ARF1: variants seen among roughly 807,000 people sequenced by gnomAD.
The protein encoded by ARF1 is ARF GTPase 1.
Under a neutral mutation model 18.0 loss-of-function variants are expected in ARF1, and 1 was observed. That is an observed-to-expected ratio of 0.06 (90% CI 0.02 to 0.26). The LOEUF (loss-of-function observed/expected upper bound fraction) is 0.26, where lower values mean the gene tolerates loss of function less well. Among genes scored for constraint, ARF1 ranks in the 10% least tolerant of loss-of-function variants. The probability of loss-of-function intolerance (pLI) is 1.00; values close to 1 mark genes in which losing one functional copy is unlikely to be tolerated. For synonymous variants in ARF1, 112 were observed against 96.3 expected (o/e 1.16, Z -0.95); for missense variants, 73 against 247.2 (o/e 0.30, Z 4.73).
At chr1:228,092,995 A>G (rs528949880) in intron 1 of ARF1, among the ~76,000 whole-genome samples, 1 of 152,300 alleles carries the variant, frequency 6.6e-6, no homozygotes, top group South Asian at 2.1e-4. Context: ...TGAAGAAAGA[A>G]ACATTCTTCC....
At chr1:228,095,329 T>C (rs952209400) in intron 1 of ARF1, among the ~76,000 whole-genome samples, 1 of 151,862 alleles carries the variant, frequency 6.6e-6, no homozygotes, top group Admixed American at 6.6e-5. Flanking sequence ...GTGGATCTGC[T>C]GGGGCATATA....
At chr1:228,084,212 A>G (rs772198703) in intron 1 of ARF1, among the ~76,000 whole-genome samples, 2 of 152,228 alleles carry the variant, frequency 1.3e-5, no homozygotes, top group Non-Finnish European at 2.9e-5. Context: ...CTGCCTAGGT[A>G]GCCAGAACCA....
chr1:228,096,946 G>T, intron 1 of ARF1, 132 bp from the exon 2 acceptor site: 1 of 798,698 alleles, frequency 1.3e-6, no homozygotes, highest in African/African-American at 1.8e-5. Context: ...ATGGGAGGCA[G>T]GGCTCTTTCC....
rs1157677154 is a variant in ARF1 at position 228,097,864 on chromosome 1, G to A, written c.397G>A (p.Ala133Thr). 3 of 1,613,636 alleles carry A rather than the reference G, an allele frequency of 1.9e-6. No homozygotes were observed. Among genetic ancestry groups the A allele is most frequent in the Non-Finnish European group, 2.5e-6 (3 of 1,179,814 alleles). ...TTCCTTCCCCCAGGACCTCCCCAAC[G>A]CCATGAATGCGGCCGAGATCACAGA... is the stretch of plus-strand genomic sequence containing the variant. ...VFANKQDLPNAMNAAEITDKL... is the reference protein window; with the variant it reads ...VFANKQDLPNTMNAAEITDKL... Residue 133 changes from alanine (A) to threonine (T), a missense_variant, in exon 5 of 5, where the codon GCC becomes ACC. This residue lies in a region of ARF1 where 48 missense variants were observed against 144.7 expected (regional missense o/e 0.33). Coordinates refer to ENST00000272102, the MANE Select transcript of ARF1 (RefSeq NM_001658.4). The surrounding 1 kb of genome is among the most constrained non-coding windows in gnomAD (Gnocchi z 8.1).
At position 228,098,439 on chromosome 1, in the gene ARF1, T is replaced by A. The variant is rs1488464124; in HGVS notation, c.*426T>A. 3 of 154,608 alleles carry A rather than the reference T, an allele frequency of 1.9e-5. No individual in the cohort carries two copies. Among genetic ancestry groups the A allele is most frequent in the Non-Finnish European group, 4.3e-5 (3 of 69,464 alleles). 9.6% of individuals were successfully genotyped at this position (154,608 alleles called of 1,614,324 possible). ...GTGCATTTTTTAAAATAGTTAAGAA[T>A]CCAAGTCGAGAACACTTGAACACAC... On this transcript the variant is annotated 3_prime_UTR_variant, in exon 5 of 5. Transcript: ENST00000272102.
chr1:228,085,836 A>T (rs751312498), intron 1 of ARF1, among the ~76,000 whole-genome samples: 3 of 152,240 alleles, frequency 2.0e-5, no homozygotes, highest in Non-Finnish European at 4.4e-5. Flanking sequence ...CATTTCAGGA[A>T]GTTAGAAGTC....
At chr1:228,087,340 CAGTT>C (rs1160851664) in intron 1 of ARF1, among the ~76,000 whole-genome samples, 15 of 152,196 alleles carry the variant, frequency 9.9e-5, no homozygotes, top group African/African-American at 3.6e-4. Flanking sequence ...GGAACGGAGG[CAGTT>C]AGATGTGCCT....
intron 1 of ARF1, among the ~76,000 whole-genome samples, chr1:228,083,999 C>G (rs2032308146): frequency 6.6e-6 from 1 of 152,226 alleles, no homozygotes; most frequent in Non-Finnish European, 1.5e-5. Flanking sequence ...GTTCTTGTTT[C>G]AGAACTAGTG....
At chr1:228,093,955 C>CAAAA (rs869199671) in intron 1 of ARF1, among the ~76,000 whole-genome samples, 8 of 51,106 alleles carry the variant, frequency 1.6e-4, no homozygotes, top group Non-Finnish European at 2.5e-4. Context: ...GACTCTGTCT[C>CAAAA]AAAAAAAAAA....
In ARF1 at chr1:228,097,277, A is replaced by C. The variant is rs1203104308; in HGVS notation, c.148+15A>C. The C allele has an allele frequency of 6.2e-7, 1 of 1,609,586 alleles. No homozygotes were observed. Among genetic ancestry groups the C allele is most frequent in the Non-Finnish European group, 8.5e-7 (1 of 1,177,236 alleles). ...TCCCACCATAGGTGAGGTGGGGGCC[A>C]GCAGGGAGTGGGCTGGGCTGGGCTG... On this transcript the variant is annotated intron_variant, in intron 2 of 4. Coordinates refer to ENST00000272102, the MANE Select transcript of ARF1 (RefSeq NM_001658.4). This position sits in a 1 kb window ranked among gnomAD's most constrained non-coding sequence, Gnocchi z 8.1.
At chr1:228,091,463 C>T (rs2032574985) in intron 1 of ARF1, among the ~76,000 whole-genome samples, 2 of 152,174 alleles carry the variant, frequency 1.3e-5, no homozygotes, top group Non-Finnish European at 2.9e-5. Context: ...AAACAGCAGA[C>T]TCCCAGTGGA....
rs1342841974 is a variant in ARF1, at chr1:228,098,121, C to T, written c.*108C>T. 16 of 1,356,570 alleles carry T rather than the reference C, an allele frequency of 1.2e-5. No homozygotes were observed. Among genetic ancestry groups the T allele is most frequent in the South Asian group, 2.9e-5 (2 of 69,498 alleles). The allele number at this position is 1,356,570 out of a possible 1,614,324, so 84.0% of individuals were successfully genotyped here. On this transcript the variant is annotated 3_prime_UTR_variant, in exon 5 of 5. Coordinates refer to ENST00000272102, the MANE Select transcript of ARF1 (RefSeq NM_001658.4). ...GAAGCTGCCTCCGTGGTTTGGTCAC[C>T]GTGTGCATCGCACCGTGCTGTAAAT...
intron 1 of ARF1, among the ~76,000 whole-genome samples, chr1:228,084,617 A>C (rs1443481662): frequency 2.0e-5 from 3 of 152,194 alleles, no homozygotes; most frequent in Non-Finnish European, 2.9e-5. Context: ...CAATATGGAG[A>C]GGACATTCAG....
In ARF1 at chr1:228,097,774, T is replaced by C. The variant is rs1490203096; in HGVS notation, c.384+59T>C. 1.3e-6 allele frequency: 2 copies of C among 1,589,530 alleles called. No homozygotes were observed. The highest frequency in any genetic ancestry group is 1.7e-6 in the Non-Finnish European group (2 of 1,166,410). ...AGCCAGTGTGGGTTCCGCCTGGTGG[T>C]AGGGGTTACTGGAGGCTGGTGGGGC... On this transcript the variant is annotated intron_variant, in intron 4 of 4. Coordinates refer to ENST00000272102, the MANE Select transcript of ARF1 (RefSeq NM_001658.4). This position sits in a 1 kb window ranked among gnomAD's most constrained non-coding sequence, Gnocchi z 8.1.
chr1:228,097,103 C>G lies in ARF1; in HGVS notation c.-12C>G, dbSNP rs371761353. Reference sequence around the variant, plus strand: ...GTGTCCCTGGCCAGTGTCCTTCCACCTGTCCACAAGCATGGGGAACATCTT... The same window carrying G: ...GTGTCCCTGGCCAGTGTCCTTCCACGTGTCCACAAGCATGGGGAACATCTT... On this transcript the variant is annotated 5_prime_UTR_variant, in exon 2 of 5. Coordinates refer to ENST00000272102, the MANE Select transcript of ARF1 (RefSeq NM_001658.4). The surrounding 1 kb of genome is among the most constrained non-coding windows in gnomAD (Gnocchi z 8.1). 3 of 1,588,956 alleles carry G rather than the reference C, an allele frequency of 1.9e-6. No homozygotes were observed. The highest frequency in any genetic ancestry group is 1.2e-5 in the South Asian group (1 of 85,756).
chr1:228,098,080 C>A lies in ARF1; in HGVS notation c.*67C>A. On this transcript the variant is annotated 3_prime_UTR_variant, in exon 5 of 5. Coordinates refer to ENST00000272102, the MANE Select transcript of ARF1 (RefSeq NM_001658.4). ...ACTCTCATGTGGCAAACGTGCGGCT[C>A]GTGGTGTGAGTGCCAGAAGCTGCCT... The A allele has an allele frequency of 6.5e-7, 1 of 1,532,746 alleles. No individual in the cohort carries two copies. Among genetic ancestry groups the A allele is most frequent in the South Asian group, 1.3e-5 (1 of 78,344 alleles). 94.9% of individuals were successfully genotyped at this position (1,532,746 alleles called of 1,614,324 possible). A position where few individuals can be genotyped will look rare whatever the true frequency, so the allele number is the denominator to read the frequency against.
Position 228,098,212 on chromosome 1 carries a change from A to G in ARF1, c.*199A>G. ...AAATAGTTTTTGTTTCCAATGAGGC[A>G]GTTTCTGGTACTCCTATGCAATATT... On this transcript the variant is annotated 3_prime_UTR_variant, in exon 5 of 5. Coordinates refer to ENST00000272102, the MANE Select transcript of ARF1 (RefSeq NM_001658.4). 1.7e-6 allele frequency: 1 copy of G among 577,042 alleles called. No individual in the cohort carries two copies. The highest frequency in any genetic ancestry group is 2.9e-6 in the Non-Finnish European group (1 of 348,096). 35.7% of individuals were successfully genotyped at this position (577,042 alleles called of 1,614,324 possible).
intron 1 of ARF1, among the ~76,000 whole-genome samples, chr1:228,085,820 C>T (rs991503598): frequency 2.6e-5 from 4 of 152,224 alleles, no homozygotes; most frequent in African/African-American, 7.2e-5. Flanking sequence ...TGATTCAGTC[C>T]ATGAACATTT....
chr1:228,094,684 C>A (rs367897675), intron 1 of ARF1, among the ~76,000 whole-genome samples: 4 of 152,238 alleles, frequency 2.6e-5, no homozygotes, highest in African/African-American at 9.6e-5. Context: ...CTCCCTGGTT[C>A]CCTGGGGGAG....
Sources: allele counts gnomAD v4.1 joint callset (sites outside exome capture counted in the v4.1 genomes callset), GRCh38; gene constraint gnomAD v4.1.1; regional missense constraint gnomAD v4.1.1; non-coding constraint Gnocchi (gnomAD v3.1); transcripts MANE v1.5; gene names NCBI Gene and HGNC (gene_info 2026-07-23, HGNC 2026-07-21).